USP14: variants seen among roughly 807,000 people sequenced by gnomAD.
USP14 encodes ubiquitin carboxyl-terminal hydrolase 14.
In USP14, 38 loss-of-function variants were observed where a neutral mutation model predicts 76.5. The observed-to-expected ratio is 0.50, with a 90% CI of 0.38 to 0.65. USP14 has a LOEUF of 0.65. Ranked by LOEUF, USP14 falls within the 30% of genes least tolerant of loss-of-function variation. USP14 has a pLI of 0.00. For synonymous variants in USP14, 192 were observed against 191.7 expected (o/e 1.00, Z -0.01); for missense variants, 467 against 586.5 (o/e 0.80, Z 2.10).
intron 5 of USP14, among the ~76,000 whole-genome samples, chr18:191,140 A>G (rs112482020): frequency 0.01 from 1,562 of 152,296 alleles, 21 homozygotes; most frequent in African/African-American, 0.035. Flanking sequence ...ACTTAATTTT[A>G]ATTTCAAAAA....
rs1327304974 is a variant in USP14, at chr18:171,025, A to AAATATAT, written c.195+4207_195+4208insATATATA. Among the ~76,000 whole-genome samples, 36 of 47,654 alleles carry AAATATAT rather than the reference A, an allele frequency of 7.6e-4. 1 individual carries two copies. The highest frequency in any genetic ancestry group is 1.0e-3 in the Non-Finnish European group (27 of 26,744). 31.3% of individuals were successfully genotyped at this position (47,654 alleles called of 152,430 possible). On this transcript the variant is annotated intron_variant, in intron 3 of 15. Transcript: ENST00000261601. ...CCTGGAACTTAAAAAAAAAAAAAAA[A>AAATATAT]ATATATATATATATATATATATATA...
intron 3 of USP14, among the ~76,000 whole-genome samples, chr18:168,838 C>T (rs182023971): frequency 6.0e-5 from 9 of 150,952 alleles, no homozygotes; most frequent in South Asian, 4.2e-4. Flanking sequence ...TTTGGGAGGC[C>T]GAGGCGGGTG....
chr18:159,321 C>T (rs1217142164), intron 1 of USP14, among the ~76,000 whole-genome samples: 2 of 152,178 alleles, frequency 1.3e-5, no homozygotes, highest in Non-Finnish European at 2.9e-5. Context: ...GTGGTGTGAG[C>T]TTTCAGAAGT....
At chr18:176,253 T>A (rs558909259) in intron 3 of USP14, among the ~76,000 whole-genome samples, 1 of 152,284 alleles carries the variant, frequency 6.6e-6, no homozygotes, top group African/African-American at 2.4e-5. Flanking sequence ...TTTTTAAAAT[T>A]TTGAAAATTT....
intron 5 of USP14, among the ~76,000 whole-genome samples, chr18:182,139 A>G (rs692846): frequency 0.15 from 23,069 of 152,214 alleles, 2,248 homozygotes; most frequent in Non-Finnish European, 0.23. Flanking sequence ...TTTTTATACC[A>G]TCGTATGAAA....
At chr18:181,971 G>A (rs1167268527) in intron 5 of USP14, among the ~76,000 whole-genome samples, 1 of 152,002 alleles carries the variant, frequency 6.6e-6, no homozygotes, top group Admixed American at 6.6e-5. Flanking sequence ...ATTTGTTGAA[G>A]GCTATTGTTT....
chr18:160,179 C>T (rs1160163356), intron 1 of USP14, among the ~76,000 whole-genome samples: 2 of 151,936 alleles, frequency 1.3e-5, no homozygotes, highest in African/African-American at 4.8e-5. Context: ...TGGCAGGTGC[C>T]GGTAATCCCA....
chr18:191,717 T>G (rs1910093335), intron 5 of USP14, among the ~76,000 whole-genome samples: 1 of 152,208 alleles, frequency 6.6e-6, no homozygotes, highest in Non-Finnish European at 1.5e-5. Flanking sequence ...AGCTTGGAGA[T>G]CCATTCATAT....
intron 3 of USP14, among the ~76,000 whole-genome samples, chr18:176,647 AT>A (rs1375471634): frequency 6.6e-6 from 1 of 152,066 alleles, no homozygotes; most frequent in Non-Finnish European, 1.5e-5. Context: ...TTTTATAGAC[AT>A]TTTTAAGATT....
At chr18:175,100 A>G (rs997719680) in intron 3 of USP14, among the ~76,000 whole-genome samples, 2 of 152,074 alleles carry the variant, frequency 1.3e-5, no homozygotes, top group Admixed American at 6.6e-5. Flanking sequence ...TCATTTTCCA[A>G]TTGCTTGCTA....
chr18:172,947 A>G (rs1909505998), intron 3 of USP14, among the ~76,000 whole-genome samples: 1 of 152,128 alleles, frequency 6.6e-6, no homozygotes, highest in South Asian at 2.1e-4. Flanking sequence ...CTTTTGTTGG[A>G]TAGAAGATAA....
chr18:191,885 G>A (rs1233345571), intron 5 of USP14, among the ~76,000 whole-genome samples: 2 of 152,098 alleles, frequency 1.3e-5, no homozygotes, highest in Non-Finnish European at 2.9e-5. Flanking sequence ...TCTCACTTCA[G>A]TGTTTGATAT....
Position 211,402 on chromosome 18 carries a change from A to C in USP14, c.*118A>C. Reference sequence around the variant, plus strand: ...GGGTTTATGTTTCACCTCATTTGGAACAAAAGAGGACAGAAGCAGACCACT... The same window carrying C: ...GGGTTTATGTTTCACCTCATTTGGACCAAAAGAGGACAGAAGCAGACCACT... On this transcript the variant is annotated 3_prime_UTR_variant, in exon 16 of 16. Transcript: ENST00000261601. 1.9e-6 allele frequency: 2 copies of C among 1,072,184 alleles called. No individual in the cohort carries two copies. Among genetic ancestry groups the C allele is most frequent in the Non-Finnish European group, 2.6e-6 (2 of 764,894 alleles). The allele number at this position is 1,072,184 out of a possible 1,614,324, so 66.4% of individuals were successfully genotyped here.
chr18:199,620 G>A (rs1396330586), intron 10 of USP14, among the ~76,000 whole-genome samples: 1 of 152,120 alleles, frequency 6.6e-6, no homozygotes, highest in African/African-American at 2.4e-5. Context: ...GCTGAGTGCT[G>A]TCTAGTGTTT....
intron 1 of USP14, among the ~76,000 whole-genome samples, chr18:160,357 A>G (rs1909083788): frequency 6.6e-6 from 1 of 152,146 alleles, no homozygotes; most frequent in Non-Finnish European, 1.5e-5. Flanking sequence ...GGTTAAGGAT[A>G]AGTGCAGTTA....
At chr18:187,699 C>CT (rs1377821413) in intron 5 of USP14, among the ~76,000 whole-genome samples, 2 of 151,990 alleles carry the variant, frequency 1.3e-5, no homozygotes, top group African/African-American at 4.8e-5. Context: ...GTTATTGGCC[C>CT]TGCTAGCTGA....
intron 5 of USP14, among the ~76,000 whole-genome samples, chr18:189,734 G>A (rs1326493764): frequency 6.6e-6 from 1 of 152,122 alleles, no homozygotes; most frequent in Non-Finnish European, 1.5e-5. Context: ...ACCTGCCTCG[G>A]CCTCCCAAGT....
At chr18:198,386 C>T (rs1043132560) in intron 9 of USP14, among the ~76,000 whole-genome samples, 2 of 152,142 alleles carry the variant, frequency 1.3e-5, no homozygotes, top group Admixed American at 6.5e-5. Context: ...AGGTGCATGC[C>T]ACCATACCCA....
intron 5 of USP14, among the ~76,000 whole-genome samples, chr18:181,572 T>G (rs1909790352): frequency 6.6e-6 from 1 of 152,206 alleles, no homozygotes; most frequent in Admixed American, 6.5e-5. Context: ...TACAAGTTCC[T>G]TACCCAATGG....
Sources: allele counts gnomAD v4.1 joint callset (sites outside exome capture counted in the v4.1 genomes callset), GRCh38; gene constraint gnomAD v4.1.1; transcripts MANE v1.5; gene names NCBI Gene and HGNC (gene_info 2026-07-23, HGNC 2026-07-21).